Variants in PRKCE observed in about 807,000 individuals in gnomAD.
The protein encoded by PRKCE is protein kinase C epsilon type.
PRKCE carries 16 observed loss-of-function variants against 85.4 expected under a neutral mutation model. That is an observed-to-expected ratio of 0.19 (90% CI 0.13 to 0.28). The LOEUF (loss-of-function observed/expected upper bound fraction) is 0.28, where lower values mean the gene tolerates loss of function less well. Ranked by LOEUF, PRKCE falls within the 10% of genes least tolerant of loss-of-function variation. The pLI, the probability that PRKCE is intolerant of heterozygous loss-of-function variation, is 1.00. For missense variants in PRKCE, 573 were observed against 975.2 expected (o/e 0.59, Z 5.49); for synonymous variants, 388 against 371.5 (o/e 1.04, Z -0.51).
At chr2:45,733,528 C>T (rs1681769597) in intron 1 of PRKCE, among the ~76,000 whole-genome samples, 1 of 152,112 alleles carries the variant, frequency 6.6e-6, no homozygotes, top group Non-Finnish European at 1.5e-5. Context: ...AGGTAAGGGG[C>T]ATTGGAATTC....
intron 10 of PRKCE, among the ~76,000 whole-genome samples, chr2:46,059,522 C>T (rs1269019461): frequency 6.6e-6 from 1 of 152,228 alleles, no homozygotes; most frequent in Non-Finnish European, 1.5e-5. Flanking sequence ...TTTCCAGAAT[C>T]TTATTCAGAA....
intron 1 of PRKCE, among the ~76,000 whole-genome samples, chr2:45,731,092 A>G (rs568406260): frequency 3.9e-5 from 6 of 152,202 alleles, no homozygotes; most frequent in Admixed American, 6.5e-5. Flanking sequence ...TCAGGCAGAA[A>G]GTGGCTACTG....
At chr2:46,110,662 T>C (rs1187787367) in intron 11 of PRKCE, among the ~76,000 whole-genome samples, 1 of 152,022 alleles carries the variant, frequency 6.6e-6, no homozygotes, top group Non-Finnish European at 1.5e-5. Context: ...TTATTAATTT[T>C]TCTCTATTGT....
At chr2:46,165,765 G>A (rs372629699) in intron 14 of PRKCE, among the ~76,000 whole-genome samples, 7 of 152,142 alleles carry the variant, frequency 4.6e-5, no homozygotes, top group South Asian at 2.1e-4. Flanking sequence ...CCTCAAAAGC[G>A]TTCAGCTCTG....
At chr2:46,100,420 C>T (rs950479107) in intron 11 of PRKCE, among the ~76,000 whole-genome samples, 26 of 152,216 alleles carry the variant, frequency 1.7e-4, no homozygotes, top group Admixed American at 5.9e-4. Flanking sequence ...GTATTTGCTC[C>T]TGTGGCAAGC....
At chr2:46,069,981 G>C (rs535098137) in intron 10 of PRKCE, among the ~76,000 whole-genome samples, 1 of 152,210 alleles carries the variant, frequency 6.6e-6, no homozygotes, top group Non-Finnish European at 1.5e-5. Context: ...TTCACACATG[G>C]TGTTCACTTC....
chr2:45,724,431 A>G (rs1680888554), intron 1 of PRKCE, among the ~76,000 whole-genome samples: 1 of 152,186 alleles, frequency 6.6e-6, no homozygotes, highest in Non-Finnish European at 1.5e-5. Flanking sequence ...TGATATTGAA[A>G]TCAGGCCACT....
intron 2 of PRKCE, among the ~76,000 whole-genome samples, chr2:45,912,724 G>C (rs1181528969): frequency 6.6e-6 from 1 of 152,168 alleles, no homozygotes; most frequent in Non-Finnish European, 1.5e-5. Flanking sequence ...GTAGAACTTG[G>C]AGGCTTCTAA....
In PRKCE at chr2:46,138,922, G is replaced by A. The variant is rs1310759226; in HGVS notation, c.1593-6171G>A. 6.6e-6 allele frequency among the ~76,000 whole-genome samples: 1 copy of A among 152,166 alleles called. No homozygotes were observed. The highest frequency in any genetic ancestry group is 2.1e-4 in the South Asian group (1 of 4,824). On this transcript the variant is annotated intron_variant, in intron 11 of 14. Transcript: ENST00000306156. The surrounding 1 kb of genome is among the most constrained non-coding windows in gnomAD (Gnocchi z 4.2). The stretch of plus-strand genomic sequence containing the variant: ...GGACTCAAGGGAAGCTGAAGAGCCT[G>A]GTTCTTATCACCTTCCTATAGCCCA...
intron 13 of PRKCE, among the ~76,000 whole-genome samples, chr2:46,154,637 G>A (rs936475611): frequency 3.9e-5 from 6 of 151,922 alleles, no homozygotes; most frequent in African/African-American, 1.2e-4. Flanking sequence ...GGCATTGGGC[G>A]GCTGCTTCTC....
At chr2:46,115,584 A>C (rs1672691358) in intron 11 of PRKCE, among the ~76,000 whole-genome samples, 1 of 152,226 alleles carries the variant, frequency 6.6e-6, no homozygotes, top group Non-Finnish European at 1.5e-5. Flanking sequence ...TATATACAAC[A>C]TGGTATCTGG....
intron 1 of PRKCE, among the ~76,000 whole-genome samples, chr2:45,837,537 A>G (rs1477776249): frequency 6.6e-6 from 1 of 152,202 alleles, no homozygotes; most frequent in African/African-American, 2.4e-5. Flanking sequence ...GATTATAGGC[A>G]TGAGCCACCA....
At chr2:45,778,987 C>G (rs767152606) in intron 1 of PRKCE, among the ~76,000 whole-genome samples, 1 of 152,192 alleles carries the variant, frequency 6.6e-6, no homozygotes, top group Non-Finnish European at 1.5e-5. Flanking sequence ...GTTTTGTGTA[C>G]GCAGAACGAT....
At chr2:45,899,658 C>T (rs1696425018) in intron 2 of PRKCE, among the ~76,000 whole-genome samples, 1 of 152,186 alleles carries the variant, frequency 6.6e-6, no homozygotes, top group South Asian at 2.1e-4. Context: ...GCTGAGATTA[C>T]AGGCATGAGC....
chr2:45,860,485 C>T (rs191286120), intron 2 of PRKCE, among the ~76,000 whole-genome samples: 1 of 152,324 alleles, frequency 6.6e-6, no homozygotes, highest in East Asian at 1.9e-4. Context: ...AGGGTGAGAA[C>T]AGAATTTCCC....
intron 10 of PRKCE, among the ~76,000 whole-genome samples, chr2:46,082,219 G>A (rs560065742): frequency 6.6e-6 from 1 of 152,130 alleles, no homozygotes; most frequent in East Asian, 1.9e-4. Context: ...CAGAAGCAAG[G>A]CATCTGCAAG....
intron 11 of PRKCE, among the ~76,000 whole-genome samples, chr2:46,133,342 G>T (rs1674646817): frequency 6.6e-6 from 1 of 152,144 alleles, no homozygotes; most frequent in Non-Finnish European, 1.5e-5. Context: ...AGGCAGTGAT[G>T]ATGTCCTGTT....
At chr2:45,729,944 T>G (rs1558605492) in intron 1 of PRKCE, among the ~76,000 whole-genome samples, 1 of 152,182 alleles carries the variant, frequency 6.6e-6, no homozygotes. Flanking sequence ...GATCTTTGGG[T>G]CCTGGGCATT....
chr2:45,762,987 T>C (rs1412169859), intron 1 of PRKCE, among the ~76,000 whole-genome samples: 2 of 151,116 alleles, frequency 1.3e-5, no homozygotes, highest in Non-Finnish European at 2.9e-5. Context: ...AGTCCTGCTC[T>C]GTCACCCAGG....
Sources: gnomAD v4.1 joint callset for allele counts (sites outside exome capture counted in the v4.1 genomes callset) on GRCh38, gnomAD v4.1.1 for gene constraint, Gnocchi (gnomAD v3.1) non-coding constraint, MANE v1.5 for transcripts, NCBI Gene and HGNC (gene_info 2026-07-23, HGNC 2026-07-21) for gene names.